Variants in ELFN2 observed in about 807,000 individuals in gnomAD.
ELFN2 encodes extracellular leucine rich repeat and fibronectin type III domain containing 2.
In ELFN2, 17 loss-of-function variants were observed where a neutral mutation model predicts 45.5. The observed-to-expected ratio is 0.37, with a 90% CI of 0.26 to 0.56. The LOEUF (loss-of-function observed/expected upper bound fraction) is 0.56. Among genes scored for constraint, ELFN2 ranks in the 20% least tolerant of loss-of-function variants. The pLI is 0.77. For missense variants in ELFN2, 922 were observed against 1,183.2 expected, an observed-to-expected ratio of 0.78 and a Z score of 3.24; for synonymous variants, 550 against 551.5, an observed-to-expected ratio of 1.00 and a Z score of 0.04.
chr22:37,352,998 G>T (rs1355124230), intron 1 of ELFN2: 1 of 151,012 alleles, frequency 6.6e-6, no homozygotes, highest in Middle Eastern at 3.1e-3. Flanking sequence ...GAAAGGCAGA[G>T]AAGTGGCTCT....
chr22:37,385,703 A>G (rs1485278501), intron 2 of ELFN2, among the ~76,000 whole-genome samples: 1 of 152,152 alleles, frequency 6.6e-6, no homozygotes, highest in African/African-American at 2.4e-5. Context: ...TGAGCCTCTC[A>G]GCCTGGGACC....
chr22:37,391,883 G>C (rs1932094854), intron 2 of ELFN2, among the ~76,000 whole-genome samples: 2 of 152,216 alleles, frequency 1.3e-5, no homozygotes, highest in Admixed American at 1.3e-4. Flanking sequence ...GGAGGAAGGG[G>C]TGCAGACCTG....
chr22:37,375,632 T>A lies in ELFN2; in HGVS notation c.-98A>T. 2 of 1,390,116 alleles carry A rather than the reference T, an allele frequency of 1.4e-6. No homozygotes were observed. The highest frequency in any genetic ancestry group is 1.9e-6 in the Non-Finnish European group (2 of 1,046,360). 86.1% of individuals were successfully genotyped at this position (1,390,116 alleles called of 1,614,324 possible). A position where few individuals can be genotyped will look rare whatever the true frequency, so the allele number is the denominator to read the frequency against. On this transcript the variant is annotated 5_prime_UTR_variant, in exon 3 of 3. An upstream start codon of the reference 5' UTR is lost. Coordinates refer to ENST00000402918, the MANE Select transcript of ELFN2 (RefSeq NM_052906.5). ...ACAGTCCTCCCTGGGGCCGCCACCATCTTGGGGGCGACCCCCAGCACGGGG... is the reference window on the plus strand; with the variant it reads ...ACAGTCCTCCCTGGGGCCGCCACCAACTTGGGGGCGACCCCCAGCACGGGG...
At chr22:37,423,262 C>T (rs1932823959) in intron 1 of ELFN2, among the ~76,000 whole-genome samples, 1 of 152,170 alleles carries the variant, frequency 6.6e-6, no homozygotes, top group Non-Finnish European at 1.5e-5. Context: ...GCACCACCCA[C>T]GAGGCCCCTC....
chr22:37,346,474 CTCT>C (rs904023301), intron 1 of ELFN2, among the ~76,000 whole-genome samples: 1 of 152,140 alleles, frequency 6.6e-6, no homozygotes, highest in African/African-American at 2.4e-5. Context: ...TGTCTTCCTC[CTCT>C]TATTTCTCCT....
intron 2 of ELFN2, among the ~76,000 whole-genome samples, chr22:37,395,262 G>C (rs1054256487): frequency 6.6e-6 from 1 of 152,176 alleles, no homozygotes; most frequent in Non-Finnish European, 1.5e-5. Flanking sequence ...GGCTCTGCCT[G>C]TGCCTGGTTC....
At chr22:37,402,449 C>T (rs1445133829) in intron 2 of ELFN2, among the ~76,000 whole-genome samples, 4 of 152,318 alleles carry the variant, frequency 2.6e-5, no homozygotes, top group South Asian at 4.1e-4. Context: ...GACCCGGCCC[C>T]GGTGAGCGTC....
chr22:37,407,636 G>A (rs553749587), intron 2 of ELFN2, among the ~76,000 whole-genome samples: 17 of 152,106 alleles, frequency 1.1e-4, no homozygotes, highest in African/African-American at 3.9e-4. Context: ...AGTGGCTCAT[G>A]CCTGTAATCC....
intron 1 of ELFN2, among the ~76,000 whole-genome samples, chr22:37,423,078 C>T (rs575235769): frequency 1.2e-3 from 179 of 152,106 alleles, no homozygotes; most frequent in Non-Finnish European, 2.2e-3. Flanking sequence ...GCTGAGGCCA[C>T]GATAGACTCG....
chr22:37,374,849 G>A lies in ELFN2; in HGVS notation c.686C>T (p.Pro229Leu), dbSNP rs1321050607. 1.9e-6 allele frequency: 3 copies of A among 1,607,898 alleles called. No individual in the cohort carries two copies. The highest frequency in any genetic ancestry group is 2.2e-5 in the East Asian group (1 of 44,880). The stretch of plus-strand genomic sequence containing the variant: ...GGCGTTGAGGCTGTGGTAGGGCCGG[G>A]GCACCAGCAGCGGGTAGCCGGCAAA... ...REFAGYPLLV[P>L]RPYHSLNAIT... is the part of the protein sequence containing the mutation. Residue 229 changes from proline to leucine, a missense_variant, in exon 3 of 3, where the codon CCC (proline) becomes CTC (leucine). Pro to Leu is a moderately conservative substitution (Grantham distance 98, BLOSUM62 -3). Coordinates refer to ENST00000402918, the MANE Select transcript of ELFN2 (RefSeq NM_052906.5).
At chr22:37,350,587 C>G (rs1343794846) in intron 1 of ELFN2, among the ~76,000 whole-genome samples, 2 of 150,816 alleles carry the variant, frequency 1.3e-5, no homozygotes, top group Non-Finnish European at 3.0e-5. Context: ...CAGCTCCTTT[C>G]CCCTCCCCGG....
chr22:37,412,436 G>C (rs768710637), intron 2 of ELFN2, among the ~76,000 whole-genome samples: 10 of 152,036 alleles, frequency 6.6e-5, no homozygotes, highest in Non-Finnish European at 1.5e-4. Context: ...CAAAGACTAA[G>C]AGGTCCCAGG....
chr22:37,391,457 C>T (rs146091381), intron 2 of ELFN2, among the ~76,000 whole-genome samples: 4 of 152,134 alleles, frequency 2.6e-5, no homozygotes, highest in Admixed American at 2.0e-4. Context: ...GAGCACACCG[C>T]GCCGGCACCC....
At chr22:37,411,095 G>T (rs535737754) in intron 2 of ELFN2, among the ~76,000 whole-genome samples, 3 of 152,228 alleles carry the variant, frequency 2.0e-5, no homozygotes, top group African/African-American at 7.2e-5. Flanking sequence ...TCACCCTTGG[G>T]TGGTGGGCAC....
At chr22:37,404,490 G>T (rs888794586) in intron 2 of ELFN2, among the ~76,000 whole-genome samples, 1 of 152,122 alleles carries the variant, frequency 6.6e-6, no homozygotes, top group Non-Finnish European at 1.5e-5. Flanking sequence ...GAGCCTCAGA[G>T]AATGGGCAAA....
intron 2 of ELFN2, among the ~76,000 whole-genome samples, chr22:37,405,842 G>T (rs887729333): frequency 5.3e-5 from 8 of 150,354 alleles, no homozygotes; most frequent in Non-Finnish European, 1.0e-4. Context: ...AAGGGTGGAG[G>T]GGGGGTGGTC....
In ELFN2 at chr22:37,373,054, C is replaced by T. The variant is rs983890678; in HGVS notation, c.*18G>A. 2 of 1,574,728 alleles carry T rather than the reference C, an allele frequency of 1.3e-6. No individual in the cohort carries two copies. Among genetic ancestry groups the T allele is most frequent in the African/African-American group, 2.7e-5 (2 of 74,404 alleles). ...CCCAGCCCTCTGGCTCCGACCTCACCAGGGAGGAAGGGGGGGGTCACAGCT... is the reference window on the plus strand; with the variant it reads ...CCCAGCCCTCTGGCTCCGACCTCACTAGGGAGGAAGGGGGGGGTCACAGCT... On this transcript the variant is annotated 3_prime_UTR_variant, in exon 3 of 3. Transcript: ENST00000402918.
rs1932771129 is a variant in ELFN2 at position 37,417,383 on chromosome 22, T to TC, written c.-463+385dup. On this transcript the variant is annotated intron_variant, in intron 2 of 2. Coordinates refer to ENST00000402918, the MANE Select transcript of ELFN2 (RefSeq NM_052906.5). The surrounding 1 kb of genome is among the most constrained non-coding windows in gnomAD (Gnocchi z 4.5). ...ACCCCCACCATGTTGTCCCAGGCCT[T>TC]CCCCTGGAAGCTGGCTCTCCACCCC... 1.3e-5 allele frequency among the ~76,000 whole-genome samples: 2 copies of TC among 152,092 alleles called. No homozygotes were observed.
intron 2 of ELFN2, among the ~76,000 whole-genome samples, chr22:37,394,362 G>A (rs890403303): frequency 1.2e-4 from 18 of 152,076 alleles, no homozygotes; most frequent in African/African-American, 3.1e-4. Context: ...TGGACTCACC[G>A]AGGCCTCTTT....
Sources: gnomAD v4.1 joint callset for allele counts (sites outside exome capture counted in the v4.1 genomes callset) on GRCh38, gnomAD v4.1.1 for gene constraint, Gnocchi (gnomAD v3.1) non-coding constraint, MANE v1.5 for transcripts, NCBI Gene and HGNC (gene_info 2026-07-23, HGNC 2026-07-21) for gene names.